Variants in FAT2 observed in about 807,000 individuals in gnomAD.
FAT2 encodes the protein FAT atypical cadherin 2.
Under a neutral mutation model 295.3 loss-of-function variants are expected in FAT2, and 150 were observed. The observed-to-expected ratio is 0.51, with a 90% CI of 0.44 to 0.58. FAT2 has a LOEUF of 0.58. FAT2 is among the 20% of genes least tolerant of loss of function. FAT2 has a pLI of 0.00. For missense variants in FAT2, 4,868 were observed against 5,442.7 expected, an observed-to-expected ratio of 0.89 and a Z score of 3.32; for synonymous variants, 2,026 against 2,150.3, an observed-to-expected ratio of 0.94 and a Z score of 1.60.
At chr5:151,573,377 CA>C (rs1416494210) in intron 1 of FAT2, among the ~76,000 whole-genome samples, 3 of 152,210 alleles carry the variant, frequency 2.0e-5, no homozygotes, top group African/African-American at 7.2e-5. Flanking sequence ...ACTTTCAGGC[CA>C]GGCGCAGTGG....
chr5:151,506,027 G>A lies in FAT2; in HGVS notation c.12588C>T (p.Ser4196=), dbSNP rs1326960576. 5.1e-6 allele frequency: 8 copies of A among 1,571,030 alleles called. No homozygotes were observed. The highest frequency in any genetic ancestry group is 2.2e-5 in the East Asian group (1 of 44,660). ...GCGGCAGAGGGCCCTGAGTCACTTC[G>A]GAGTGGGGGTATTCCCAGCGTTCGT... ...SRNERWEYPH[S]EVTQGPLPPS... The change falls in exon 24 of 24, where the codon TCC becomes TCT. Residue 4196 remains serine (S), a synonymous_variant. Transcript: ENST00000261800.
At chr5:151,535,508 G>T (rs553427372) in intron 12 of FAT2, among the ~76,000 whole-genome samples, 1 of 152,046 alleles carries the variant, frequency 6.6e-6, no homozygotes, top group Non-Finnish European at 1.5e-5. Context: ...AGGGTGGTGC[G>T]CCCAGGGAGG....
chr5:151,541,110 C>A (rs2127603546), intron 10 of FAT2, among the ~76,000 whole-genome samples: 1 of 152,294 alleles, frequency 6.6e-6, no homozygotes, highest in East Asian at 1.9e-4. Context: ...CATAGCTATA[C>A]AACAGTGGAG....
chr5:151,537,532 T>C (rs542369786), intron 12 of FAT2, among the ~76,000 whole-genome samples: 1 of 152,190 alleles, frequency 6.6e-6, no homozygotes, highest in Non-Finnish European at 1.5e-5. Context: ...CCCCTTAGCA[T>C]TCTGCACTTT....
intron 13 of FAT2, among the ~76,000 whole-genome samples, chr5:151,532,730 G>A (rs1754787450): frequency 6.6e-6 from 1 of 152,210 alleles, no homozygotes; most frequent in Non-Finnish European, 1.5e-5. Flanking sequence ...TTAAGTACCA[G>A]ATGAAGCAGT....
At chr5:151,574,572 T>A (rs1025681418) in intron 1 of FAT2, among the ~76,000 whole-genome samples, 1 of 152,190 alleles carries the variant, frequency 6.6e-6, no homozygotes, top group Admixed American at 6.5e-5. Context: ...TAGGGAGTGA[T>A]TGATGGTTTT....
At chr5:151,578,920 G>A (rs1265093535) in intron 1 of FAT2, among the ~76,000 whole-genome samples, 1 of 152,206 alleles carries the variant, frequency 6.6e-6, no homozygotes, top group East Asian at 1.9e-4. Flanking sequence ...CTCACTCTGT[G>A]TGAACTCTAA....
In FAT2 at chr5:151,568,412, C is replaced by G; in HGVS notation, c.520G>C (p.Asp174His). ...TCAGCATTCTGGCCTAGATCAGCATCTGTGGCAGTCACCTTGCAGATGGGG... is the reference window on the plus strand; with the variant it reads ...TCAGCATTCTGGCCTAGATCAGCATGTGTGGCAGTCACCTTGCAGATGGGG... ...KSPICKVTAT[D>H]ADLGQNAEFY... Residue 174 changes from aspartate to histidine, a missense_variant, in exon 2 of 24, where the codon GAT becomes CAT. By Grantham distance (81) the Asp-to-His change is moderately conservative (BLOSUM62 -1). This residue lies in a region of FAT2 where 3,297 missense variants were observed against 3,669.4 expected (regional missense o/e 0.90). Coordinates refer to ENST00000261800, the MANE Select transcript of FAT2 (RefSeq NM_001447.3). The G allele has an allele frequency of 6.2e-7, 1 of 1,614,242 alleles. No homozygotes were observed. Among genetic ancestry groups the G allele is most frequent in the Non-Finnish European group, 8.5e-7 (1 of 1,180,046 alleles).
At position 151,504,416 on chromosome 5, in the gene FAT2, T is replaced by G. The variant is rs916596058; in HGVS notation, c.*1149A>C. On this transcript the variant is annotated 3_prime_UTR_variant, in exon 24 of 24. Transcript: ENST00000261800. ...CCTGGCTACATACACTCTACACATG[T>G]GTACACACGTACTATCCATGGGCAC... The G allele has an allele frequency of 3.9e-5, 6 of 152,704 alleles. No individual in the cohort carries two copies. The highest frequency in any genetic ancestry group is 9.6e-5 in the African/African-American group (4 of 41,482). The allele number at this position is 152,704 out of a possible 1,614,324, so 9.5% of individuals were successfully genotyped here.
At chr5:151,573,525 G>A (rs1374690560) in intron 1 of FAT2, among the ~76,000 whole-genome samples, 1 of 152,166 alleles carries the variant, frequency 6.6e-6, no homozygotes, top group African/African-American at 2.4e-5. Context: ...GCAGTGGCAT[G>A]TGCCTATAAT....
Position 151,565,968 on chromosome 5 carries a change from G to A in FAT2, c.2964C>T (p.Asp988=). ...GATTGTACCCAGCTCGCCTCTCAAA[G>A]TCCAGCTCTCTCTCCAGAATGAGCG... is the stretch of plus-strand genomic sequence containing the variant. ...TGALILEREL[D]FERRAGYNLS... The change falls in exon 2 of 24, where the codon GAC becomes GAT. Residue 988 remains aspartate (D), a synonymous_variant. Transcript: ENST00000261800. The A allele has an allele frequency of 6.2e-7, 1 of 1,613,970 alleles. No homozygotes were observed. The highest frequency in any genetic ancestry group is 8.5e-7 in the Non-Finnish European group (1 of 1,179,994).
At chr5:151,586,716 ATTCT>A (rs1353235244) in intron 1 of FAT2, among the ~76,000 whole-genome samples, 1 of 152,202 alleles carries the variant, frequency 6.6e-6, no homozygotes, top group African/African-American at 2.4e-5. Flanking sequence ...TACTTTCTGA[ATTCT>A]TTCTGTTTTA....
chr5:151,523,501 T>G (rs1353035601), intron 18 of FAT2, among the ~76,000 whole-genome samples: 1 of 152,162 alleles, frequency 6.6e-6, no homozygotes, highest in African/African-American at 2.4e-5. Context: ...TCTGAATACC[T>G]ATCTGTGTCT....
In FAT2 at chr5:151,553,371, C is replaced by T. The variant is rs1411927788; in HGVS notation, c.3962G>A (p.Ser1321Asn). 2 of 1,614,206 alleles carry T rather than the reference C, an allele frequency of 1.2e-6. No homozygotes were observed. Among genetic ancestry groups the T allele is most frequent in the Non-Finnish European group, 1.7e-6 (2 of 1,180,034 alleles). Reference protein sequence around the residue: ...YNILTIKATDSGQPPLSASVR... With the variant: ...YNILTIKATDNGQPPLSASVR... Reference sequence around the variant, plus strand: ...ACTGGCTGAGAGTGGTGGCTGCCCACTGTCTGTTGCCTTGATCTGAAAGGA... The same window carrying T: ...ACTGGCTGAGAGTGGTGGCTGCCCATTGTCTGTTGCCTTGATCTGAAAGGA... The change falls in exon 6 of 24, where the codon AGT becomes AAT. Residue 1321 changes from serine to asparagine, a missense_variant. Physicochemically the swap from Ser to Asn is conservative, Grantham distance 46 (BLOSUM62 1). Coordinates refer to ENST00000261800, the MANE Select transcript of FAT2 (RefSeq NM_001447.3).
In FAT2 at chr5:151,507,527, C is replaced by G. The variant is rs1250149050; in HGVS notation, c.12144G>C (p.Glu4048Asp). The change falls in exon 23 of 24, where the codon GAG becomes GAC. Residue 4048 changes from glutamate to aspartate, a missense_variant. Physicochemically the swap from Glu to Asp is conservative, Grantham distance 45. Transcript: ENST00000261800. ...CCACGGCCACTGTGATGATCAGTAACTCCTGCTGCCCCCAGTCCCCCCTTT... is the reference window on the plus strand; with the variant it reads ...CCACGGCCACTGTGATGATCAGTAAGTCCTGCTGCCCCCAGTCCCCCCTTT... The part of the protein sequence containing the change: ...EIQRGDWGQQ[E>D]LLIITVAVAF... 2 of 1,614,148 alleles carry G rather than the reference C, an allele frequency of 1.2e-6. No homozygotes were observed.
At chr5:151,557,301 G>T (rs1405960976) in intron 3 of FAT2, among the ~76,000 whole-genome samples, 2 of 152,138 alleles carry the variant, frequency 1.3e-5, no homozygotes, top group Non-Finnish European at 2.9e-5. Context: ...TTAGGAATTA[G>T]AACCATTCCT....
At chr5:151,550,892 G>A (rs1757135623) in intron 7 of FAT2, 21 bp from the exon 8 acceptor site, 3 of 1,608,558 alleles carry the variant, frequency 1.9e-6, no homozygotes, top group Admixed American at 3.3e-5. Flanking sequence ...AGATGAGGGA[G>A]AAGGTGCACT....
chr5:151,532,390 CACACA>C (rs1056345430), intron 13 of FAT2, among the ~76,000 whole-genome samples: 5 of 4,018 alleles, frequency 1.2e-3, no homozygotes, highest in African/African-American at 6.3e-3. Context: ...CGTGTACAAA[CACACA>C]CACACACACA....
intron 2 of FAT2, 95 bp downstream of exon 2, chr5:151,565,578 T>C: frequency 1.6e-6 from 2 of 1,283,288 alleles, no homozygotes; most frequent in Non-Finnish European, 2.1e-6. Context: ...GCCTGCAGGC[T>C]GACTCCTTTT....
Sources: gnomAD v4.1 joint callset for allele counts (sites outside exome capture counted in the v4.1 genomes callset) on GRCh38, gnomAD v4.1.1 for gene constraint, gnomAD v4.1.1 regional missense constraint, MANE v1.5 for transcripts, NCBI Gene and HGNC (gene_info 2026-07-23, HGNC 2026-07-21) for gene names.